The following WRNIP1 variants were observed in gnomAD, a reference collection of about 807,000 sequenced individuals.
The protein encoded by WRNIP1 is WRN helicase interacting protein 1.
A neutral mutation model predicts 56.1 loss-of-function variants in WRNIP1; 41 were observed. The ratio of observed to expected loss-of-function variants is 0.73; its 90% CI spans 0.57 to 0.95. The LOEUF (loss-of-function observed/expected upper bound fraction) is 0.95. Ranked by LOEUF, WRNIP1 falls within the 40% of genes least tolerant of loss-of-function variation. WRNIP1 has a pLI of 0.00. For missense variants in WRNIP1, 1,170 were observed against 939.4 expected (o/e 1.25, Z -3.21); for synonymous variants, 547 against 398.1 (o/e 1.37, Z -4.45).
At position 2,768,831 on chromosome 6, in the gene WRNIP1, G is replaced by A. The variant is rs768380935; in HGVS notation, c.963G>A (p.Arg321=). The A allele has an allele frequency of 1.9e-6, 3 of 1,613,392 alleles. No homozygotes were observed. Among genetic ancestry groups the A allele is most frequent in the Non-Finnish European group, 2.5e-6 (3 of 1,179,732 alleles). ...QAQNEKSFFK[R]KTILFIDEIH... is the part of the protein sequence containing the mutation. The stretch of plus-strand genomic sequence containing the variant: ...AAAATGAAAAGAGCTTTTTCAAAAG[G>A]AAAACCATCCTTTTTATTGATGAGA... Residue 321 remains arginine (R), a synonymous_variant, in exon 2 of 7, where the codon AGG becomes AGA. Transcript: ENST00000380773.
chr6:2,784,297 ACT>A (rs753094523), intron 5 of WRNIP1, 25 bp from the exon 6 acceptor site: 2 of 1,603,162 alleles, frequency 1.2e-6, no homozygotes, highest in East Asian at 4.5e-5. Context: ...CATGACTGAA[ACT>A]CTCCTTTGTC....
rs1363555229 is a variant in WRNIP1, at chr6:2,784,403, GGTAAA to G, written c.1722+5_1722+9del. On this transcript the variant is annotated splice_donor_variant and splice_donor_5th_base_variant and intron_variant, in intron 6 of 6. Coordinates refer to ENST00000380773, the MANE Select transcript of WRNIP1 (RefSeq NM_020135.3). LOFTEE classifies it high-confidence loss of function. ...ATTTTATAGGCATGCCTGAATGTGA[GGTAAA>G]GTAATCAGCTCATTTCTTGCAAATC... 14 of 1,613,750 alleles carry G rather than the reference GGTAAA, an allele frequency of 8.7e-6. No individual in the cohort carries two copies. Among genetic ancestry groups the G allele is most frequent in the Admixed American group, 5.0e-5 (3 of 59,972 alleles).
chr6:2,766,769 A>T (rs1227757036), intron 1 of WRNIP1, among the ~76,000 whole-genome samples: 1 of 105,548 alleles, frequency 9.5e-6, no homozygotes, highest in Admixed American at 1.2e-4. Context: ...CCCCCTCCCC[A>T]GACTTTGATT....
chr6:2,784,247 C>A, intron 5 of WRNIP1, 77 bp from the exon 6 acceptor site: 1 of 1,390,094 alleles, frequency 7.2e-7, no homozygotes, highest in South Asian at 1.2e-5. Context: ...CAGTGGTGGT[C>A]TGTGGTCGCC....
At chr6:2,766,862 C>T (rs1257833256) in intron 1 of WRNIP1, among the ~76,000 whole-genome samples, 1 of 148,502 alleles carries the variant, frequency 6.7e-6, no homozygotes, top group African/African-American at 2.5e-5. Flanking sequence ...ATAACGGATT[C>T]AGCTTTGAAA....
intron 2 of WRNIP1, 41 bp downstream of exon 2, chr6:2,768,923 C>A: frequency 1.3e-6 from 2 of 1,560,470 alleles, no homozygotes; most frequent in South Asian, 1.2e-5. Context: ...TTGTGAACAT[C>A]AAACAATATA....
intron 1 of WRNIP1, 121 bp downstream of exon 1, chr6:2,766,565 T>G (rs1582162632): frequency 7.2e-7 from 1 of 1,393,406 alleles, no homozygotes; most frequent in Non-Finnish European, 9.4e-7. Flanking sequence ...GATAAGGGGG[T>G]GCAGACTTGG....
chr6:2,784,056 T>C (rs893246686), intron 5 of WRNIP1, among the ~76,000 whole-genome samples: 3 of 152,226 alleles, frequency 2.0e-5, no homozygotes, highest in Non-Finnish European at 2.9e-5. Context: ...TCACTTCTTA[T>C]GTTTGTTATA....
intron 3 of WRNIP1, chr6:2,772,842 C>A (rs160664): frequency 0.56 from 308,998 of 552,970 alleles, 87,656 homozygotes; most frequent in East Asian, 0.76. Flanking sequence ...GTTGACAGCT[C>A]TATATACATC....
chr6:2,775,034 C>G (rs561311111), intron 3 of WRNIP1, among the ~76,000 whole-genome samples: 1 of 152,306 alleles, frequency 6.6e-6, no homozygotes, highest in South Asian at 2.1e-4. Flanking sequence ...TCATTACCTC[C>G]TATTTACTAG....
intron 1 of WRNIP1, among the ~76,000 whole-genome samples, chr6:2,766,716 A>G (rs869387): frequency 7.7e-4 from 116 of 151,436 alleles, no homozygotes; most frequent in African/African-American, 2.7e-3. Context: ...CAAGATGTGG[A>G]CTCTTAGATT....
At chr6:2,781,955 A>G (rs1485644193) in intron 4 of WRNIP1, among the ~76,000 whole-genome samples, 2 of 152,382 alleles carry the variant, frequency 1.3e-5, no homozygotes, top group African/African-American at 2.4e-5. Context: ...GTTTGGTCCC[A>G]GAGCCTGTGC....
intron 2 of WRNIP1, 129 bp downstream of exon 2, chr6:2,769,011 C>T (rs1765163436): frequency 2.4e-6 from 2 of 827,804 alleles, no homozygotes; most frequent in African/African-American, 1.8e-5. Flanking sequence ...GTGAACCCAT[C>T]TCCTTCAAGC....
rs1373087078 is a variant in WRNIP1, at chr6:2,769,418, AT to A, written c.1014+537del. On this transcript the variant is annotated intron_variant, in intron 2 of 6. Transcript: ENST00000380773. ...AAGCCACTTAGGGATTTAAAAAAAA[AT>A]AAACATTAAAATTTTATTGGGCTGA... Among the ~76,000 whole-genome samples the A allele has an allele frequency of 1.1e-4, 16 of 152,282 alleles. 1 individual carries two copies. In the South Asian group the frequency reaches 2.7e-3, roughly 26 times the overall value.
chr6:2,765,929 G>A lies in WRNIP1; in HGVS notation c.307G>A (p.Gly103Ser). ...EGEGEEGDDG[G>S]ETESRESYDA... ...CGAGGGTGAGGAGGGCGACGACGGC[G>A]GCGAGACCGAGAGCCGCGAGAGCTA... Residue 103 changes from glycine to serine, a missense_variant, in exon 1 of 7, where the codon GGC (glycine) becomes AGC (serine). Physicochemically the swap from Gly to Ser is moderately conservative, Grantham distance 56. Coordinates refer to ENST00000380773, the MANE Select transcript of WRNIP1 (RefSeq NM_020135.3). 6.9e-7 allele frequency: 1 copy of A among 1,451,198 alleles called. No homozygotes were observed. 89.9% of individuals were successfully genotyped at this position (1,451,198 alleles called of 1,614,324 possible).
rs1454277390 is a variant in WRNIP1 at position 2,786,395 on chromosome 6, C to T, written c.*1113C>T. The T allele has an allele frequency of 6.6e-6, 1 of 152,276 alleles. No individual in the cohort carries two copies. The highest frequency in any genetic ancestry group is 2.4e-5 in the African/African-American group (1 of 41,454). 9.4% of individuals were successfully genotyped at this position (152,276 alleles called of 1,614,324 possible). A position where few individuals can be genotyped will look rare whatever the true frequency, so the allele number is the denominator to read the frequency against. ...CTGGAGGGACTGTATGTTGCAGAGG[C>T]TTGGCCCGACTGGCCTCCCTCCTTC... On this transcript the variant is annotated 3_prime_UTR_variant, in exon 7 of 7. Transcript: ENST00000380773.
In WRNIP1 at chr6:2,769,006, C is replaced by G. The variant is rs547099293; in HGVS notation, c.1014+124C>G. 1.7e-4 allele frequency: 160 copies of G among 915,528 alleles called. 2 individuals are homozygous for G. Among genetic ancestry groups the G allele is most frequent in the Non-Finnish European group, 2.3e-4 (149 of 634,528 alleles). 56.7% of individuals were successfully genotyped at this position (915,528 alleles called of 1,614,324 possible). A position where few individuals can be genotyped will look rare whatever the true frequency, so the allele number is the denominator to read the frequency against. On this transcript the variant is annotated intron_variant, in intron 2 of 6. Transcript: ENST00000380773. ...TTACAAAGAAGCGTAGGCTTGTGAA[C>G]CCATCTCCTTCAAGCCTATTTCTCC...
Position 2,765,556 on chromosome 6 carries a change from T to C in WRNIP1, c.-67T>C, listed in dbSNP as rs1194779131. ...GCGGCGCGGGGCCTAGCGGAGGGCA[T>C]CGAAGGCCTCCGCGTGCGCACGGGT... On this transcript the variant is annotated 5_prime_UTR_variant, in exon 1 of 7. Transcript: ENST00000380773. 2 of 1,377,958 alleles carry C rather than the reference T, an allele frequency of 1.5e-6. No homozygotes were observed. The highest frequency in any genetic ancestry group is 1.9e-6 in the Non-Finnish European group (2 of 1,072,542). 85.4% of individuals were successfully genotyped at this position (1,377,958 alleles called of 1,614,324 possible).
rs551510501 is a variant in WRNIP1 at position 2,785,122 on chromosome 6, C to G, written c.1838C>G (p.Pro613Arg). ...AGGAACCACCAGGGGCCACTGCCCCCCGTGCCCCTGCACCTGAGGAACGCG... is the reference window on the plus strand; with the variant it reads ...AGGAACCACCAGGGGCCACTGCCCCGCGTGCCCCTGCACCTGAGGAACGCG... ...CLRNHQGPLP[P>R]VPLHLRNAPT... Residue 613 changes from proline (P) to arginine (R), a missense_variant, in exon 7 of 7, where the codon CCC (proline) becomes CGC (arginine). Transcript: ENST00000380773. 19 of 1,614,212 alleles carry G rather than the reference C, an allele frequency of 1.2e-5. No individual in the cohort carries two copies. The highest frequency in any genetic ancestry group is 1.7e-5 in the Admixed American group (1 of 60,020).
Sources: allele counts gnomAD v4.1 joint callset (sites outside exome capture counted in the v4.1 genomes callset), GRCh38; gene constraint gnomAD v4.1.1; transcripts MANE v1.5; gene names NCBI Gene and HGNC (gene_info 2026-07-23, HGNC 2026-07-21).